The following CTNNA3 variants were observed in gnomAD, a reference collection of about 807,000 sequenced individuals.
CTNNA3 encodes catenin alpha-3.
CTNNA3 carries 76 observed loss-of-function variants against 95.7 expected under a neutral mutation model. The observed-to-expected ratio is 0.79, with a 90% CI of 0.66 to 0.96. The LOEUF is 0.96. CTNNA3 is among the 40% of genes least tolerant of loss of function. The probability of loss-of-function intolerance (pLI) is 0.00; values close to 1 mark genes in which losing one functional copy is unlikely to be tolerated. For missense variants in CTNNA3, 1,191 were observed against 1,089.8 expected, an observed-to-expected ratio of 1.09 and a Z score of -1.31; for synonymous variants, 431 against 374.4, an observed-to-expected ratio of 1.15 and a Z score of -1.74.
In CTNNA3 at chr10:67,358,017, C is replaced by A. The variant is rs112559105; in HGVS notation, c.580-138147G>T. On this transcript the variant is annotated intron_variant, in intron 5 of 17. Transcript: ENST00000433211. ...GAATAATTAATTTTCAACAAAAGAG[C>A]AAAGCAATTTGATGAGAAAAGGATA... Among the ~76,000 whole-genome samples the A allele has an allele frequency of 5.0e-3, 765 of 151,770 alleles. 5 individuals carry two copies. Among genetic ancestry groups the A allele is most frequent in the African/African-American group, 0.018 (724 of 41,370 alleles).
In CTNNA3 at chr10:67,762,846, T is replaced by G. The variant is rs1841469603; in HGVS notation, c.-2+588A>C. ...TGTATAGAAAAGCACTATCCTATTCTGTTCCATTCTAATTACCGGTGCATG... is the reference window on the plus strand; with the variant it reads ...TGTATAGAAAAGCACTATCCTATTCGGTTCCATTCTAATTACCGGTGCATG... On this transcript the variant is annotated intron_variant, in intron 1 of 17. Transcript: ENST00000684154. 5.3e-5 allele frequency among the ~76,000 whole-genome samples: 8 copies of G among 152,316 alleles called. No homozygotes were observed. The South Asian group carries it at 1.7e-3, about 32-fold the overall frequency.
intron 13 of CTNNA3, among the ~76,000 whole-genome samples, chr10:66,200,734 T>C (rs552381997): frequency 2.0e-5 from 3 of 152,352 alleles, no homozygotes; most frequent in South Asian, 4.1e-4. Flanking sequence ...CCTGTGGTTA[T>C]AGCATTTTAC....
chr10:66,817,801 T>C (rs4633341), intron 7 of CTNNA3, among the ~76,000 whole-genome samples: 129,022 of 151,908 alleles, frequency 0.85, 54,903 homozygotes, highest in East Asian at 0.97. Context: ...TTTCTTGAGG[T>C]CAGCATTACA....
chr10:66,710,728 T>C (rs1848263874), intron 9 of CTNNA3, among the ~76,000 whole-genome samples: 1 of 151,940 alleles, frequency 6.6e-6, no homozygotes, highest in Non-Finnish European at 1.5e-5. Flanking sequence ...TCTAGACATA[T>C]ATTCAAATAT....
At chr10:67,463,230 C>G (rs906599557) in intron 5 of CTNNA3, among the ~76,000 whole-genome samples, 1 of 151,910 alleles carries the variant, frequency 6.6e-6, no homozygotes. Context: ...TTACATAATA[C>G]AAATGAAGCA....
chr10:66,691,377 C>T (rs1451438950), intron 9 of CTNNA3, among the ~76,000 whole-genome samples: 2 of 152,190 alleles, frequency 1.3e-5, no homozygotes, highest in African/African-American at 4.8e-5. Context: ...AGACTGAGAT[C>T]AAACTGCGAG....
chr10:66,392,216 G>A (rs542769029), intron 11 of CTNNA3, among the ~76,000 whole-genome samples: 1 of 152,148 alleles, frequency 6.6e-6, no homozygotes, highest in South Asian at 2.1e-4. Flanking sequence ...AGATCACAAG[G>A]TCAGGAGTTT....
intron 15 of CTNNA3, among the ~76,000 whole-genome samples, chr10:66,057,759 T>G (rs893446652): frequency 2.8e-4 from 43 of 152,298 alleles, no homozygotes; most frequent in African/African-American, 1.0e-3. Context: ...TAATTTTTCC[T>G]TCCAGATATA....
chr10:66,628,012 C>A (rs1441375056), intron 9 of CTNNA3, among the ~76,000 whole-genome samples: 1 of 152,058 alleles, frequency 6.6e-6, no homozygotes, highest in East Asian at 1.9e-4. Flanking sequence ...CTTTATCTTC[C>A]CACACTCTCG....
At chr10:67,144,150 T>A in intron 7 of CTNNA3, among the ~76,000 whole-genome samples, 1 of 152,310 alleles carries the variant, frequency 6.6e-6, no homozygotes, top group East Asian at 1.9e-4. Context: ...ATGAGCAATA[T>A]TTTGAAAGGA....
chr10:66,351,020 A>C (rs10762064), intron 12 of CTNNA3, among the ~76,000 whole-genome samples: 137,795 of 151,868 alleles, frequency 0.91, 62,753 homozygotes, highest in East Asian at 1. Context: ...ATATCAGATT[A>C]TTTGGAAAGA....
chr10:66,563,679 C>G (rs904933302), intron 10 of CTNNA3, among the ~76,000 whole-genome samples: 1 of 152,006 alleles, frequency 6.6e-6, no homozygotes, highest in Non-Finnish European at 1.5e-5. Context: ...ACCCCCCTCA[C>G]AATTTGCCCA....
chr10:66,451,469 A>G (rs1002136001), intron 11 of CTNNA3, among the ~76,000 whole-genome samples: 3 of 152,130 alleles, frequency 2.0e-5, no homozygotes, highest in African/African-American at 7.2e-5. Flanking sequence ...TTAGGAAATA[A>G]AAACGTATCT....
At chr10:67,531,400 G>T (rs2133183662) in intron 4 of CTNNA3, among the ~76,000 whole-genome samples, 1 of 152,322 alleles carries the variant, frequency 6.6e-6, no homozygotes, top group East Asian at 1.9e-4. Flanking sequence ...TGATCTGGAT[G>T]TGAGACATGG....
intron 15 of CTNNA3, among the ~76,000 whole-genome samples, chr10:66,056,838 C>T (rs549928971): frequency 1.3e-5 from 2 of 152,050 alleles, no homozygotes; most frequent in Admixed American, 6.5e-5. Flanking sequence ...TGAACAATGG[C>T]CAGAATTTAT....
intron 7 of CTNNA3, among the ~76,000 whole-genome samples, chr10:67,074,205 G>A (rs1006712421): frequency 6.6e-6 from 1 of 151,022 alleles, no homozygotes; most frequent in African/African-American, 2.4e-5. Context: ...GCTAATTTTT[G>A]TACTTTTAAT....
chr10:67,142,810 T>C (rs1860640835), intron 7 of CTNNA3, among the ~76,000 whole-genome samples: 1 of 152,090 alleles, frequency 6.6e-6, no homozygotes, highest in Non-Finnish European at 1.5e-5. Context: ...CATGTGCCTG[T>C]AATCCCAGTT....
chr10:67,654,392 T>G (rs1344956242), intron 1 of CTNNA3, among the ~76,000 whole-genome samples: 1 of 152,162 alleles, frequency 6.6e-6, no homozygotes, highest in Non-Finnish European at 1.5e-5. Flanking sequence ...TAGCACTCCA[T>G]ATCACCAAGT....
chr10:66,379,645 G>A (rs1158196396), intron 11 of CTNNA3, among the ~76,000 whole-genome samples: 4 of 152,138 alleles, frequency 2.6e-5, no homozygotes, highest in East Asian at 3.9e-4. Context: ...CATAGAGGTG[G>A]AAATTAAAGA....
Sources: allele counts gnomAD v4.1 joint callset (sites outside exome capture counted in the v4.1 genomes callset), GRCh38; gene constraint gnomAD v4.1.1; transcripts MANE v1.5; gene names NCBI Gene and HGNC (gene_info 2026-07-23, HGNC 2026-07-21).